The following SLC16A10 variants were observed in gnomAD, a reference collection of about 807,000 sequenced individuals.
SLC16A10 encodes the protein monocarboxylate transporter 10.
Under a neutral mutation model 40.0 loss-of-function variants are expected in SLC16A10, and 27 were observed. The observed-to-expected ratio is 0.67, with a 90% confidence interval of 0.50 to 0.93. SLC16A10 has a LOEUF of 0.93. SLC16A10 is among the 40% of genes least tolerant of loss of function. The pLI, the probability that SLC16A10 is intolerant of heterozygous loss-of-function variation, is 0.00. For synonymous variants in SLC16A10, 213 were observed against 249.8 expected, an observed-to-expected ratio of 0.85 and a Z score of 1.39; for missense variants, 529 against 658.2, an observed-to-expected ratio of 0.80 and a Z score of 2.15.
At chr6:111,094,814 A>AT (rs1554255026) in intron 1 of SLC16A10, among the ~76,000 whole-genome samples, 9 of 151,966 alleles carry the variant, frequency 5.9e-5, no homozygotes, top group Admixed American at 6.6e-5. Context: ...ATTAAAAAAA[A>AT]TTTTTATGTG....
intron 1 of SLC16A10, among the ~76,000 whole-genome samples, chr6:111,121,284 G>A (rs1051681445): frequency 1.3e-5 from 2 of 152,182 alleles, no homozygotes; most frequent in Non-Finnish European, 2.9e-5. Context: ...TATTGTGGCC[G>A]GCAACGGTGG....
chr6:111,125,306 G>T (rs2114480432), intron 1 of SLC16A10, among the ~76,000 whole-genome samples: 1 of 152,266 alleles, frequency 6.6e-6, no homozygotes, highest in Admixed American at 6.5e-5. Context: ...CCTCATGGGA[G>T]TGGTTTGGAG....
intron 1 of SLC16A10, among the ~76,000 whole-genome samples, chr6:111,097,711 A>G (rs768113298): frequency 6.6e-6 from 1 of 152,200 alleles, no homozygotes; most frequent in Non-Finnish European, 1.5e-5. Flanking sequence ...TAAAAAAATT[A>G]GTAAATGTAC....
chr6:111,153,119 A>G (rs1338626058), intron 1 of SLC16A10, among the ~76,000 whole-genome samples: 4 of 152,214 alleles, frequency 2.6e-5, no homozygotes, highest in African/African-American at 9.6e-5. Context: ...TGGGTTCTGA[A>G]GTATTCCTCC....
chr6:111,185,496 G>A (rs1304445122), intron 3 of SLC16A10, among the ~76,000 whole-genome samples: 1 of 152,086 alleles, frequency 6.6e-6, no homozygotes, highest in African/African-American at 2.4e-5. Flanking sequence ...ATAATTAATG[G>A]GAATGAGAAA....
intron 3 of SLC16A10, among the ~76,000 whole-genome samples, chr6:111,179,805 G>T (rs1164942873): frequency 2.0e-5 from 3 of 152,172 alleles, no homozygotes; most frequent in African/African-American, 7.2e-5. Flanking sequence ...TCTCATAACG[G>T]TGCCCGTTAT....
chr6:111,175,012 C>G (rs930432357), intron 2 of SLC16A10, among the ~76,000 whole-genome samples: 3 of 152,104 alleles, frequency 2.0e-5, no homozygotes, highest in Non-Finnish European at 4.4e-5. Context: ...ATTTAGCTTG[C>G]TGATCAAAGG....
intron 1 of SLC16A10, among the ~76,000 whole-genome samples, chr6:111,163,224 C>T (rs2114529963): frequency 7.0e-6 from 1 of 142,084 alleles, no homozygotes; most frequent in South Asian, 2.2e-4. Context: ...GGGATCTCGG[C>T]TCACTGCAAG....
At chr6:111,127,456 T>C (rs1200573436) in intron 1 of SLC16A10, among the ~76,000 whole-genome samples, 8 of 152,200 alleles carry the variant, frequency 5.3e-5, no homozygotes, top group African/African-American at 1.7e-4. Context: ...GTAGGGTTTG[T>C]AGGCCAGGGT....
At chr6:111,221,097 T>C (rs772778271) in intron 5 of SLC16A10, among the ~76,000 whole-genome samples, 2 of 152,244 alleles carry the variant, frequency 1.3e-5, no homozygotes, top group Non-Finnish European at 2.9e-5. Context: ...CAGATAGATA[T>C]TTAGTACAGT....
intron 3 of SLC16A10, among the ~76,000 whole-genome samples, chr6:111,195,998 GA>G (rs1037539501): frequency 4.0e-5 from 6 of 149,828 alleles, no homozygotes; most frequent in Admixed American, 2.0e-4. Flanking sequence ...ATATTTGGGG[GA>G]AAAAAAAACA....
At chr6:111,153,784 G>A (rs1426249331) in intron 1 of SLC16A10, among the ~76,000 whole-genome samples, 2 of 152,212 alleles carry the variant, frequency 1.3e-5, no homozygotes, top group Non-Finnish European at 2.9e-5. Flanking sequence ...CTGCCATGTG[G>A]CAGGTTCTCA....
intron 3 of SLC16A10, among the ~76,000 whole-genome samples, chr6:111,202,028 C>T (rs938803650): frequency 2.6e-5 from 4 of 152,192 alleles, no homozygotes; most frequent in Admixed American, 1.3e-4. Context: ...CTGTGGCTCC[C>T]CTGTAAGAGA....
At chr6:111,144,975 G>A (rs1016405981) in intron 1 of SLC16A10, among the ~76,000 whole-genome samples, 5 of 151,988 alleles carry the variant, frequency 3.3e-5, no homozygotes, top group East Asian at 3.9e-4. Flanking sequence ...CCACACAGGC[G>A]CATGCCACCA....
chr6:111,188,620 C>T (rs993251028), intron 3 of SLC16A10, among the ~76,000 whole-genome samples: 1 of 152,056 alleles, frequency 6.6e-6, no homozygotes, highest in Non-Finnish European at 1.5e-5. Flanking sequence ...CTGTACTCAG[C>T]CTTTATTAAT....
At chr6:111,144,650 A>G (rs774165205) in intron 1 of SLC16A10, among the ~76,000 whole-genome samples, 40 of 152,374 alleles carry the variant, frequency 2.6e-4, no homozygotes, top group Non-Finnish European at 4.6e-4. Context: ...AGTTGCCTGG[A>G]GGCAAGAGGG....
chr6:111,131,287 C>T (rs116735028), intron 1 of SLC16A10, among the ~76,000 whole-genome samples: 1,881 of 152,280 alleles, frequency 0.012, 42 homozygotes, highest in African/African-American at 0.044. Context: ...TGTTCCTGCA[C>T]GGGCTAAGTG....
At chr6:111,166,806 T>C (rs76397472) in intron 1 of SLC16A10, among the ~76,000 whole-genome samples, 3 of 152,184 alleles carry the variant, frequency 2.0e-5, no homozygotes, top group African/African-American at 4.8e-5. Flanking sequence ...AGCCTTGGGA[T>C]TTTTTCTCAG....
At position 111,227,663 on chromosome 6, in the gene SLC16A10, C is replaced by G. The variant is rs1382048423; in HGVS notation, c.*5428C>G. The G allele has an allele frequency of 6.6e-6, 1 of 152,164 alleles. No individual in the cohort carries two copies. The highest frequency in any genetic ancestry group is 2.4e-5 in the African/African-American group (1 of 41,442). 9.4% of individuals were successfully genotyped at this position (152,164 alleles called of 1,614,324 possible). A position where few individuals can be genotyped will look rare whatever the true frequency, so the allele number is the denominator to read the frequency against. ...GTGTTCCATACTAAAGGGGTGTAAT[C>G]TTGCTTTCTGGGGAAATAAAATTCC... On this transcript the variant is annotated 3_prime_UTR_variant, in exon 6 of 6. Coordinates refer to ENST00000368851, the MANE Select transcript of SLC16A10 (RefSeq NM_018593.5).
Sources: allele counts gnomAD v4.1 joint callset (sites outside exome capture counted in the v4.1 genomes callset), GRCh38; gene constraint gnomAD v4.1.1; transcripts MANE v1.5; gene names NCBI Gene and HGNC (gene_info 2026-07-23, HGNC 2026-07-21).